Variants in ERBB4 observed in about 807,000 individuals in gnomAD.
ERBB4 encodes the protein erb-b2 receptor tyrosine kinase 4, also known as receptor tyrosine-protein kinase erbB-4.
In ERBB4, 42 loss-of-function variants were observed where a neutral mutation model predicts 158.0. The observed-to-expected ratio is 0.27, with a 90% confidence interval of 0.21 to 0.34. The LOEUF is 0.34. Among genes scored for constraint, ERBB4 ranks in the 10% least tolerant of loss-of-function variants. The pLI, the probability that ERBB4 is intolerant of heterozygous loss-of-function variation, is 1.00. For synonymous variants in ERBB4, 583 were observed against 558.7 expected, an observed-to-expected ratio of 1.04 and a Z score of -0.61; for missense variants, 1,333 against 1,624.1, an observed-to-expected ratio of 0.82 and a Z score of 3.08.
intron 1 of ERBB4, among the ~76,000 whole-genome samples, chr2:212,127,028 A>G (rs2079952103): frequency 6.6e-6 from 1 of 152,198 alleles, no homozygotes; most frequent in Non-Finnish European, 1.5e-5. Context: ...ACCAAAAAGT[A>G]TATTTTCTAG....
intron 1 of ERBB4, among the ~76,000 whole-genome samples, chr2:212,137,306 T>C (rs188309160): frequency 6.6e-6 from 1 of 152,260 alleles, no homozygotes; most frequent in Non-Finnish European, 1.5e-5. Context: ...TTAGTTATTT[T>C]TTCTGATCCT....
chr2:211,469,973 G>T (rs2064792155), intron 20 of ERBB4, among the ~76,000 whole-genome samples: 1 of 151,802 alleles, frequency 6.6e-6, no homozygotes, highest in African/African-American at 2.4e-5. Context: ...GAGGAATTGG[G>T]GTATTCCGGT....
chr2:211,933,088 C>G (rs533938194), intron 3 of ERBB4, among the ~76,000 whole-genome samples: 6 of 152,048 alleles, frequency 3.9e-5, no homozygotes, highest in African/African-American at 1.2e-4. Flanking sequence ...TAGTTAGGTT[C>G]TCGTAATTTT....
chr2:211,962,258 T>A (rs839500), intron 2 of ERBB4, among the ~76,000 whole-genome samples: 3 of 152,002 alleles, frequency 2.0e-5, no homozygotes, highest in Admixed American at 6.6e-5. Flanking sequence ...TTCACATCTC[T>A]CCAATTGATA....
At position 211,383,830 on chromosome 2, in the gene ERBB4, C is replaced by T. The variant is rs746173581; in HGVS notation, c.3712G>A (p.Asp1238Asn). 1.9e-6 allele frequency: 3 copies of T among 1,614,114 alleles called. No individual in the cohort carries two copies. Among genetic ancestry groups the T allele is most frequent in the Admixed American group, 3.3e-5 (2 of 60,014 alleles). ...CTGTGGTTCCAGTAGTCAGGGTTGT[C>T]AAACGCTTTCTTGGCCTTCTCTGGC... Reference protein sequence around the residue: ...SMPEKAKKAFDNPDYWNHSLP... With the variant: ...SMPEKAKKAFNNPDYWNHSLP... Residue 1238 changes from aspartate (D) to asparagine (N), a missense_variant, in exon 28 of 28, where the codon GAC becomes AAC. Coordinates refer to ENST00000342788, the MANE Select transcript of ERBB4 (RefSeq NM_005235.3).
At chr2:211,946,008 T>C (rs2080678985) in intron 3 of ERBB4, among the ~76,000 whole-genome samples, 1 of 152,056 alleles carries the variant, frequency 6.6e-6, no homozygotes, top group South Asian at 2.1e-4. Flanking sequence ...GTTCAATTGT[T>C]CTCTACACAT....
intron 1 of ERBB4, among the ~76,000 whole-genome samples, chr2:212,220,295 A>G (rs1387813532): frequency 6.6e-6 from 1 of 151,404 alleles, no homozygotes; most frequent in Non-Finnish European, 1.5e-5. Context: ...GCTACAAATT[A>G]CTTAATGTCA....
intron 1 of ERBB4, among the ~76,000 whole-genome samples, chr2:212,425,765 C>T (rs1345737175): frequency 6.6e-6 from 1 of 151,928 alleles, no homozygotes; most frequent in Non-Finnish European, 1.5e-5. Flanking sequence ...TCTTTTAAAT[C>T]ACTGTCCTTG....
intron 1 of ERBB4, among the ~76,000 whole-genome samples, chr2:212,247,819 C>G (rs1450800227): frequency 1.3e-5 from 2 of 152,034 alleles, no homozygotes; most frequent in Admixed American, 1.3e-4. Context: ...CAAAAATTAG[C>G]TGGGCATGTT....
Position 211,687,073 on chromosome 2 carries a change from ATC to A in ERBB4, c.1490-7891_1490-7890del, listed in dbSNP as rs566680889. On this transcript the variant is annotated intron_variant, in intron 12 of 27. Coordinates refer to ENST00000342788, the MANE Select transcript of ERBB4 (RefSeq NM_005235.3). Reference sequence around the variant, plus strand: ...CACTTTGGGAGGCCAAGGTGGGTGGATCACGAGGTCAGGAGATCGAGACCATC... The same window carrying A: ...CACTTTGGGAGGCCAAGGTGGGTGGAACGAGGTCAGGAGATCGAGACCATC... Among the ~76,000 whole-genome samples the A allele has an allele frequency of 3.9e-3, 594 of 152,020 alleles. 5 individuals carry two copies. The highest frequency in any genetic ancestry group is 0.014 in the African/African-American group (564 of 41,450).
intron 12 of ERBB4, among the ~76,000 whole-genome samples, chr2:211,690,436 C>T (rs2072761338): frequency 1.3e-5 from 2 of 152,158 alleles, no homozygotes; most frequent in Admixed American, 1.3e-4. Context: ...CACCCAAAAT[C>T]TTACCTCTCT....
intron 2 of ERBB4, among the ~76,000 whole-genome samples, chr2:212,018,156 A>G (rs906647770): frequency 5.9e-5 from 9 of 152,140 alleles, no homozygotes; most frequent in Non-Finnish European, 1.3e-4. Flanking sequence ...ATCCTACCAG[A>G]TGTTTCATTA....
At chr2:212,054,223 A>G (rs750868932) in intron 2 of ERBB4, among the ~76,000 whole-genome samples, 3 of 152,186 alleles carry the variant, frequency 2.0e-5, no homozygotes, top group Non-Finnish European at 4.4e-5. Context: ...AAAATATAGC[A>G]TAACTCCCAC....
In ERBB4 at chr2:211,420,493, A is replaced by C; in HGVS notation, c.3083T>G (p.Phe1028Cys). The C allele has an allele frequency of 6.2e-7, 1 of 1,612,840 alleles. No individual in the cohort carries two copies. The highest frequency in any genetic ancestry group is 8.5e-7 in the Non-Finnish European group (1 of 1,179,128). ...AGTATAGATGGGAGGTGGGATGTTGAAAGCCTGAGGGACCAAGTACTCCTC... is the reference window on the plus strand; with the variant it reads ...AGTATAGATGGGAGGTGGGATGTTGCAAGCCTGAGGGACCAAGTACTCCTC... ...DAEEYLVPQA[F>C]NIPPPIYTSR... is the part of the protein sequence containing the mutation. Residue 1028 changes from phenylalanine to cysteine, a missense_variant, in exon 25 of 28, where the codon TTC becomes TGC. Phe to Cys is a radical substitution (Grantham distance 205). Transcript: ENST00000342788.
intron 19 of ERBB4, among the ~76,000 whole-genome samples, chr2:211,583,232 T>C (rs1277309004): frequency 2.6e-5 from 4 of 152,024 alleles, no homozygotes; most frequent in African/African-American, 7.2e-5. Flanking sequence ...TATCCAGCCA[T>C]ATTCTAAAAA....
chr2:211,561,351 C>T (rs2067386303), intron 20 of ERBB4, among the ~76,000 whole-genome samples: 1 of 152,100 alleles, frequency 6.6e-6, no homozygotes. Flanking sequence ...AACCACAGAC[C>T]CACCTCCCCT....
At chr2:211,578,120 T>C (rs1415040905) in intron 19 of ERBB4, among the ~76,000 whole-genome samples, 10 of 152,074 alleles carry the variant, frequency 6.6e-5, no homozygotes, top group Admixed American at 6.6e-4. Context: ...GGATATAAAA[T>C]CGGTGTGCAA....
intron 2 of ERBB4, among the ~76,000 whole-genome samples, chr2:212,094,526 A>G (rs2078870759): frequency 6.6e-6 from 1 of 151,364 alleles, no homozygotes; most frequent in African/African-American, 2.4e-5. Context: ...TAAAACTCTA[A>G]ATTATTGTGG....
At chr2:211,802,576 A>G (rs1321129351) in intron 3 of ERBB4, among the ~76,000 whole-genome samples, 1 of 152,242 alleles carries the variant, frequency 6.6e-6, no homozygotes, top group African/African-American at 2.4e-5. Context: ...AAAGAGAATG[A>G]TGATTTATTA....
Sources: allele counts gnomAD v4.1 joint callset (sites outside exome capture counted in the v4.1 genomes callset), GRCh38; gene constraint gnomAD v4.1.1; transcripts MANE v1.5; gene names NCBI Gene and HGNC (gene_info 2026-07-23, HGNC 2026-07-21).